The following ARSK variants were observed in gnomAD, a reference collection of about 807,000 sequenced individuals.
The protein encoded by ARSK is arylsulfatase family member K.
ARSK carries 37 observed loss-of-function variants against 53.2 expected under a neutral mutation model. That is an observed-to-expected ratio of 0.70 (90% confidence interval 0.54 to 0.92). The LOEUF is 0.92. ARSK is among the 40% of genes least tolerant of loss of function. The probability of loss-of-function intolerance (pLI) is 0.00; values close to 1 mark genes in which losing one functional copy is unlikely to be tolerated. For synonymous variants in ARSK, 208 were observed against 223.2 expected (o/e 0.93, Z 0.61); for missense variants, 613 against 643.0 (o/e 0.95, Z 0.51).
intron 4 of ARSK, among the ~76,000 whole-genome samples, chr5:95,583,776 A>G (rs1749062488): frequency 6.6e-6 from 1 of 152,232 alleles, no homozygotes; most frequent in South Asian, 2.1e-4. Context: ...ATACAGAGAA[A>G]GCATCTTTTC....
intron 3 of ARSK, among the ~76,000 whole-genome samples, chr5:95,572,093 C>T (rs1162537395): frequency 6.6e-6 from 1 of 152,084 alleles, no homozygotes; most frequent in Non-Finnish European, 1.5e-5. Flanking sequence ...TAGGCATCAG[C>T]GATGCTTCCT....
chr5:95,597,355 G>A (rs1037566096), intron 6 of ARSK, among the ~76,000 whole-genome samples: 1 of 152,080 alleles, frequency 6.6e-6, no homozygotes, highest in Non-Finnish European at 1.5e-5. Context: ...AACCCTTCTT[G>A]TTACAGGACC....
At chr5:95,589,297 C>A (rs1205495781) in intron 5 of ARSK, among the ~76,000 whole-genome samples, 1 of 152,168 alleles carries the variant, frequency 6.6e-6, no homozygotes, top group Non-Finnish European at 1.5e-5. Context: ...ATTTTAAGTT[C>A]CAGGGTACAT....
rs564943619 is a variant in ARSK at position 95,598,020 on chromosome 5, T to C, written c.1097-2827T>C. ...TATGTTTAATTCTTCTTAGATATGC[T>C]CTAAAAAATGTGTATATTAGTTTGC... On this transcript the variant is annotated intron_variant, in intron 6 of 7. Transcript: ENST00000380009. Among the ~76,000 whole-genome samples, 4 of 152,248 alleles carry C rather than the reference T, an allele frequency of 2.6e-5. No individual in the cohort carries two copies. The East Asian group carries it at 7.7e-4, about 29-fold the overall frequency.
rs1227832108 is a variant in ARSK at position 95,584,813 on chromosome 5, C to G, written c.699+1615C>G. On this transcript the variant is annotated intron_variant, in intron 4 of 7. Transcript: ENST00000380009. The stretch of plus-strand genomic sequence containing the variant: ...ATCACCTGAGGTCAGGAGTTCGAGA[C>G]CAGCCAGACCAACACGGTGAAACCC... Among the ~76,000 whole-genome samples, 3 of 152,040 alleles carry G rather than the reference C, an allele frequency of 2.0e-5. No individual in the cohort carries two copies. The East Asian group carries it at 5.8e-4, about 29-fold the overall frequency.
At chr5:95,587,852 G>A (rs749906025) in intron 5 of ARSK, among the ~76,000 whole-genome samples, 2 of 151,082 alleles carry the variant, frequency 1.3e-5, no homozygotes, top group East Asian at 1.9e-4. Flanking sequence ...GTTGCAGTGA[G>A]TGGAGATCGT....
In ARSK at chr5:95,566,034, G is replaced by A. The variant is rs921795321; in HGVS notation, c.163G>A (p.Val55Met). The change falls in exon 2 of 8, where the codon GTG becomes ATG. Residue 55 changes from valine to methionine, a missense_variant. Transcript: ENST00000380009. ...AACATTTCATCCAGGAAGTCAGGTA[G>A]TGAAACTTCCTTTTATCAACTTTAT... ...RLTFHPGSQV[V>M]KLPFINFMKT... is the part of the protein sequence containing the mutation. The A allele has an allele frequency of 6.2e-7, 1 of 1,612,942 alleles. No individual in the cohort carries two copies. The highest frequency in any genetic ancestry group is 2.2e-5 in the East Asian group (1 of 44,804).
chr5:95,572,344 C>T (rs1748846224), intron 3 of ARSK, among the ~76,000 whole-genome samples: 1 of 152,196 alleles, frequency 6.6e-6, no homozygotes, highest in African/African-American at 2.4e-5. Flanking sequence ...TTTAAAAGTT[C>T]TTCTACTCTG....
chr5:95,588,083 G>C (rs549195618), intron 5 of ARSK, among the ~76,000 whole-genome samples: 218 of 152,194 alleles, frequency 1.4e-3, no homozygotes, highest in African/African-American at 5.2e-3. Context: ...GCATTTGAAA[G>C]TTTATAGCCA....
intron 5 of ARSK, among the ~76,000 whole-genome samples, chr5:95,590,233 G>C (rs1749189053): frequency 6.6e-6 from 1 of 152,248 alleles, no homozygotes; most frequent in Middle Eastern, 3.4e-3. Flanking sequence ...TGGGAGAAAG[G>C]GCATTCACCA....
chr5:95,584,699 A>G (rs1749080591), intron 4 of ARSK, among the ~76,000 whole-genome samples: 3 of 146,766 alleles, frequency 2.0e-5, no homozygotes, highest in Admixed American at 1.3e-4. Context: ...GAGTAGCAAG[A>G]AAAAAAAAAT....
intron 6 of ARSK, among the ~76,000 whole-genome samples, chr5:95,595,833 G>GA (rs972996703): frequency 1.2e-4 from 18 of 150,694 alleles, no homozygotes; most frequent in African/African-American, 1.9e-4. Context: ...GTAAAACGTT[G>GA]AAAAAAAAAG....
chr5:95,599,234 A>G (rs1227921784), intron 6 of ARSK, among the ~76,000 whole-genome samples: 1 of 152,242 alleles, frequency 6.6e-6, no homozygotes, highest in Non-Finnish European at 1.5e-5. Context: ...CAGGAGAAAC[A>G]TAAGTTTCTT....
rs186132048 is a variant in ARSK, at chr5:95,576,687, C to T, written c.417-6229C>T. ...ATCACTTGGGCTCAGGAGCTCGAGA[C>T]CAGCCTGGCCAACATGGTGAAACCC... is the stretch of plus-strand genomic sequence containing the variant. On this transcript the variant is annotated intron_variant, in intron 3 of 7. Transcript: ENST00000380009. Among the ~76,000 whole-genome samples the T allele has an allele frequency of 1.2e-3, 188 of 151,744 alleles. 1 individual carries two copies. Among genetic ancestry groups the T allele is most frequent in the African/African-American group, 4.1e-3 (171 of 41,426 alleles).
rs528814287 is a variant in ARSK at position 95,561,513 on chromosome 5, C to T, written c.127-4485C>T. Reference sequence around the variant, plus strand: ...CATAATGGCCAAACAGTATAAACAACCCAAATGCCCATCAATTGATAAATG... The same window carrying T: ...CATAATGGCCAAACAGTATAAACAATCCAAATGCCCATCAATTGATAAATG... On this transcript the variant is annotated intron_variant, in intron 1 of 7. Coordinates refer to ENST00000380009, the MANE Select transcript of ARSK (RefSeq NM_198150.3). Among the ~76,000 whole-genome samples the T allele has an allele frequency of 3.3e-5, 5 of 152,114 alleles. No homozygotes were observed. In the South Asian group the frequency reaches 6.2e-4, roughly 19 times the overall value.
Position 95,603,697 on chromosome 5 carries a change from C to T in ARSK, c.*171C>T, listed in dbSNP as rs1388868130. 1 of 496,466 alleles carries T rather than the reference C, an allele frequency of 2.0e-6. No individual in the cohort carries two copies. Among genetic ancestry groups the T allele is most frequent in the South Asian group, 3.7e-5 (1 of 27,152 alleles). The allele number at this position is 496,466 out of a possible 1,614,324, so 30.8% of individuals were successfully genotyped here. On this transcript the variant is annotated 3_prime_UTR_variant, in exon 8 of 8. Transcript: ENST00000380009. ...GGCTGAGGAAAGCAGATCACAAGGT[C>T]AAGAGATTGAGACCATCCTGGCCAA...
intron 5 of ARSK, among the ~76,000 whole-genome samples, chr5:95,587,716 G>A (rs1216411582): frequency 6.6e-6 from 1 of 152,092 alleles, no homozygotes; most frequent in Non-Finnish European, 1.5e-5. Flanking sequence ...AGACCAGCCT[G>A]GCCAACATGG....
At position 95,564,158 on chromosome 5, in the gene ARSK, A is replaced by G. The variant is rs1342489916; in HGVS notation, c.127-1840A>G. 2.0e-5 allele frequency among the ~76,000 whole-genome samples: 3 copies of G among 151,566 alleles called. No individual in the cohort carries two copies. The East Asian group carries it at 5.8e-4, about 29-fold the overall frequency. On this transcript the variant is annotated intron_variant, in intron 1 of 7. Coordinates refer to ENST00000380009, the MANE Select transcript of ARSK (RefSeq NM_198150.3). ...ACGCCTAGCTAATTTTTGTATTTTTAGTAGAGACAAGGTTTCACCATGTTG... is the reference window on the plus strand; with the variant it reads ...ACGCCTAGCTAATTTTTGTATTTTTGGTAGAGACAAGGTTTCACCATGTTG...
chr5:95,555,137 C>A lies in ARSK; in HGVS notation c.-142C>A. On this transcript the variant is annotated 5_prime_UTR_variant, in exon 1 of 8. Coordinates refer to ENST00000380009, the MANE Select transcript of ARSK (RefSeq NM_198150.3). This position sits in a 1 kb window ranked among gnomAD's most constrained non-coding sequence, Gnocchi z 4.0. The stretch of plus-strand genomic sequence containing the variant: ...CCGCCTGATAGGAGTTGTAGTTCTG[C>A]GGGTGAAGCTCGGCGTTACTATCAA... 1 of 654,104 alleles carries A rather than the reference C, an allele frequency of 1.5e-6. No individual in the cohort carries two copies. Among genetic ancestry groups the A allele is most frequent in the Non-Finnish European group, 2.5e-6 (1 of 402,710 alleles). The allele number at this position is 654,104 out of a possible 1,614,324, so 40.5% of individuals were successfully genotyped here.
Sources: allele counts gnomAD v4.1 joint callset (sites outside exome capture counted in the v4.1 genomes callset), GRCh38; gene constraint gnomAD v4.1.1; non-coding constraint Gnocchi (gnomAD v3.1); transcripts MANE v1.5; gene names NCBI Gene and HGNC (gene_info 2026-07-23, HGNC 2026-07-21).